Variants in CIMIP4 observed in about 807,000 individuals in gnomAD.
CIMIP4 encodes the protein protein EAN57.
the CIMIP4 span, among the ~76,000 whole-genome samples, chr22:37,005,349 T>C: frequency 5.3e-5 from 8 of 152,166 alleles, no homozygotes; most frequent in Non-Finnish European, 1.2e-4. Flanking sequence ...TTTGTACTGT[T>C]TTAAACATAC....
chr22:37,006,803 T>C, the CIMIP4 span, among the ~76,000 whole-genome samples: 1 of 152,158 alleles, frequency 6.6e-6, no homozygotes, highest in South Asian at 2.1e-4. Context: ...GGACTGGACA[T>C]AGTGATGAAT....
the CIMIP4 span, chr22:37,002,365 T>A: frequency 4.0e-6 from 2 of 495,764 alleles, no homozygotes; most frequent in Admixed American, 1.2e-4. Context: ...GGGCAGAAAG[T>A]AGAGGGTGGG....
chr22:37,002,048 A>T, the CIMIP4 span: 1 of 1,609,642 alleles, frequency 6.2e-7, no homozygotes, highest in South Asian at 1.1e-5. Flanking sequence ...CGCATTCTTC[A>T]GGGACCTGGA....
At chr22:36,991,405 T>C in the CIMIP4 span, 1 of 1,573,554 alleles carries the variant, frequency 6.4e-7, no homozygotes, top group Non-Finnish European at 8.7e-7. Context: ...CTGGTTTCTC[T>C]CTGACCCTTA....
the CIMIP4 span, among the ~76,000 whole-genome samples, chr22:37,006,198 C>T: frequency 1.8e-4 from 28 of 151,896 alleles, no homozygotes; most frequent in South Asian, 2.1e-3. Flanking sequence ...TTGGCAACTT[C>T]GGGTAAAAGG....
At chr22:37,007,051 T>G in the CIMIP4 span, among the ~76,000 whole-genome samples, 2 of 152,130 alleles carry the variant, frequency 1.3e-5, no homozygotes, top group African/African-American at 4.8e-5. Context: ...CCTTCTCTGG[T>G]CGAGCTTTGA....
the CIMIP4 span, among the ~76,000 whole-genome samples, chr22:37,003,630 T>C: frequency 5.9e-5 from 9 of 151,952 alleles, no homozygotes; most frequent in African/African-American, 1.5e-4. Flanking sequence ...ATACCTCCCA[T>C]CCATTGAGGC....
At chr22:36,991,194 C>G in the CIMIP4 span, 1 of 1,614,144 alleles carries the variant, frequency 6.2e-7, no homozygotes, top group Non-Finnish European at 8.5e-7. Flanking sequence ...ACTTGGAGCT[C>G]TTGGATTTGC....
chr22:36,994,398 A>AACCTCCGCCT, the CIMIP4 span, among the ~76,000 whole-genome samples: 1 of 151,834 alleles, frequency 6.6e-6, no homozygotes, highest in African/African-American at 2.4e-5. Context: ...CGCTCACTAT[A>AACCTCCGCCT]ACCTCCGCCT....
the CIMIP4 span, among the ~76,000 whole-genome samples, chr22:36,996,311 T>C: frequency 6.6e-6 from 1 of 151,986 alleles, no homozygotes; most frequent in Non-Finnish European, 1.5e-5. Context: ...CTGGAATTAA[T>C]TGGTGAGCTG....
the CIMIP4 span, among the ~76,000 whole-genome samples, chr22:37,001,125 A>G: frequency 1.3e-5 from 2 of 152,042 alleles, no homozygotes; most frequent in Non-Finnish European, 2.9e-5. Flanking sequence ...TTGACCAGAA[A>G]CGGTAGATGA....
At chr22:36,997,910 G>A in the CIMIP4 span, among the ~76,000 whole-genome samples, 1 of 152,152 alleles carries the variant, frequency 6.6e-6, no homozygotes, top group African/African-American at 2.4e-5. Context: ...ACAGATGGAT[G>A]GGCACACTGA....
chr22:36,991,691 T>G, the CIMIP4 span: 1 of 1,005,564 alleles, frequency 9.9e-7, no homozygotes, highest in South Asian at 1.3e-5. Flanking sequence ...GATGGTAAAT[T>G]GTGGAACGGA....
chr22:36,993,224 A>T, the CIMIP4 span, among the ~76,000 whole-genome samples: 1 of 150,834 alleles, frequency 6.6e-6, no homozygotes, highest in African/African-American at 2.4e-5. Context: ...GTTAGCCAGG[A>T]TGGTCTGGAT....
the CIMIP4 span, among the ~76,000 whole-genome samples, chr22:36,997,304 G>T: frequency 6.6e-6 from 1 of 152,176 alleles, no homozygotes; most frequent in Non-Finnish European, 1.5e-5. Flanking sequence ...TTTAGCATAG[G>T]ATAGGAGTCC....
At chr22:36,991,152 G>A in the CIMIP4 span, 6 of 1,603,066 alleles carry the variant, frequency 3.7e-6, no homozygotes, top group Admixed American at 5.0e-5. Context: ...CTTTATTTGA[G>A]TAGAAGACAC....
At chr22:37,005,917 G>A in the CIMIP4 span, among the ~76,000 whole-genome samples, 1 of 152,186 alleles carries the variant, frequency 6.6e-6, no homozygotes, top group South Asian at 2.1e-4. Context: ...AGCTTCAGAA[G>A]GCTGTCTGGA....
the CIMIP4 span, chr22:36,991,149 T>A: frequency 1.3e-6 from 2 of 1,593,042 alleles, no homozygotes; most frequent in East Asian, 2.2e-5. Context: ...GCACTTTATT[T>A]GAGTAGAAGA....
chr22:36,997,149 A>C, the CIMIP4 span, among the ~76,000 whole-genome samples: 1 of 152,352 alleles, frequency 6.6e-6, no homozygotes, highest in South Asian at 2.1e-4. Flanking sequence ...TTAAATGGCT[A>C]AAACTCACAA....
Sources: allele counts gnomAD v4.1 joint callset (sites outside exome capture counted in the v4.1 genomes callset), GRCh38; gene constraint gnomAD v4.1.1; transcripts MANE v1.5; gene names NCBI Gene and HGNC (gene_info 2026-07-23, HGNC 2026-07-21).